The following TWF1 variants were observed in gnomAD, a reference collection of about 807,000 sequenced individuals.
TWF1 encodes the protein twinfilin actin binding protein 1.
A neutral mutation model predicts 47.9 loss-of-function variants in TWF1; 14 were observed. That is an observed-to-expected ratio of 0.29 (90% CI 0.19 to 0.46). The LOEUF is 0.46. TWF1 is among the 20% of genes least tolerant of loss of function. The probability of loss-of-function intolerance (pLI) is 1.00; values close to 1 mark genes in which losing one functional copy is unlikely to be tolerated. For missense variants in TWF1, 281 were observed against 409.3 expected, an observed-to-expected ratio of 0.69 and a Z score of 2.70; for synonymous variants, 96 against 139.2, an observed-to-expected ratio of 0.69 and a Z score of 2.18.
chr12:43,804,154 A>G (rs1347065330), intron 2 of TWF1: 1 of 304,218 alleles, frequency 3.3e-6, no homozygotes, highest in Non-Finnish European at 6.6e-6. Context: ...ACAAGTAACT[A>G]TTTTTTTTTT....
At chr12:43,798,621 TAA>T (rs35482343) in intron 5 of TWF1, 3,222 of 1,310,856 alleles carry the variant, frequency 2.5e-3, no homozygotes, top group South Asian at 6.0e-3. Flanking sequence ...ATCAAACTCG[TAA>T]AAAAAAAAAA....
chr12:43,794,428 A>G lies in TWF1; in HGVS notation c.*1157T>C, dbSNP rs1942514472. 2 of 151,396 alleles carry G rather than the reference A, an allele frequency of 1.3e-5. No individual in the cohort carries two copies. The highest frequency in any genetic ancestry group is 3.0e-5 in the Non-Finnish European group (2 of 67,746). The allele number at this position is 151,396 out of a possible 1,614,324, so 9.4% of individuals were successfully genotyped here. A position where few individuals can be genotyped will look rare whatever the true frequency, so the allele number is the denominator to read the frequency against. On this transcript the variant is annotated 3_prime_UTR_variant, in exon 9 of 9. Transcript: ENST00000395510. Reference sequence around the variant, plus strand: ...TCACACTATGAAATGTGCATTTCCGATAAGTGATTTATGCAGCATAAAGTT... The same window carrying G: ...TCACACTATGAAATGTGCATTTCCGGTAAGTGATTTATGCAGCATAAAGTT...
chr12:43,798,463 A>G lies in TWF1; in HGVS notation c.484-630T>C, dbSNP rs1011085818. 1.2e-5 allele frequency: 14 copies of G among 1,173,840 alleles called. No homozygotes were observed. The African/African-American group carries it at 2.2e-4, about 19-fold the overall frequency. 72.7% of individuals were successfully genotyped at this position (1,173,840 alleles called of 1,614,324 possible). On this transcript the variant is annotated intron_variant, in intron 5 of 8. Transcript: ENST00000395510. ...AGTCTCATTCGCAGTGTTGCAACAG[A>G]AAGTCCAATAGAAATTTTACTTTTA...
At chr12:43,799,731 A>G (rs1317805624) in intron 4 of TWF1, among the ~76,000 whole-genome samples, 1 of 152,094 alleles carries the variant, frequency 6.6e-6, no homozygotes, top group East Asian at 1.9e-4. Flanking sequence ...ATTACTAAAT[A>G]TTTTGTATGA....
Position 43,796,966 on chromosome 12 carries a change from G to T in TWF1, c.882+10C>A. 3 of 1,606,860 alleles carry T rather than the reference G, an allele frequency of 1.9e-6. No individual in the cohort carries two copies. In the East Asian group the frequency reaches 6.7e-5, roughly 36 times the overall value. On this transcript the variant is annotated intron_variant, in intron 8 of 8. Transcript: ENST00000395510. Reference sequence around the variant, plus strand: ...AGCAAAAACTGAAGATTTTAAAATAGGTGGGCTACCTTTCTAATTACATCC... The same window carrying T: ...AGCAAAAACTGAAGATTTTAAAATATGTGGGCTACCTTTCTAATTACATCC...
At chr12:43,806,003 C>T (rs749167603) in intron 1 of TWF1, 3 of 1,529,550 alleles carry the variant, frequency 2.0e-6, no homozygotes, top group African/African-American at 1.4e-5. Context: ...TCGGATCAAT[C>T]TGCAACGTGA....
rs532343791 is a variant in TWF1, at chr12:43,802,541, T to A, written c.104-77A>T. On this transcript the variant is annotated intron_variant, in intron 2 of 8. Transcript: ENST00000395510. ...GGTAGTGTGATGAAGACTAGAAAAA[T>A]AAATATATAGTCATTTCCCAGTTAC... 137 of 1,055,838 alleles carry A rather than the reference T, an allele frequency of 1.3e-4. 3 individuals are homozygous for A. The South Asian group carries it at 2.0e-3, about 16-fold the overall frequency. The allele number at this position is 1,055,838 out of a possible 1,614,324, so 65.4% of individuals were successfully genotyped here.
chr12:43,806,221 C>T lies in TWF1; in HGVS notation c.25G>A (p.Ala9Thr). ...TGCGAGTCGCGCCGGGCGCTGTTAC[C>T]TTGGATGCCGGTCTGGTGGGACATG... MSHQTGIQ[A>T]SEDVKEIFAR... Residue 9 changes from alanine (A) to threonine (T), a missense_variant and splice_region_variant, in exon 1 of 9, where the codon GCA becomes ACA. Transcript: ENST00000395510. 6.5e-7 allele frequency: 1 copy of T among 1,540,670 alleles called. No homozygotes were observed. Among genetic ancestry groups the T allele is most frequent in the Non-Finnish European group, 8.7e-7 (1 of 1,144,574 alleles).
At chr12:43,799,377 G>A (rs1227340338) in intron 5 of TWF1, 21 bp downstream of exon 5, 1 of 1,500,762 alleles carries the variant, frequency 6.7e-7, no homozygotes, top group African/African-American at 1.4e-5. Context: ...ATCTTGCAAA[G>A]ACTTTGTAGT....
chr12:43,796,653 A>T lies in TWF1; in HGVS notation c.882+323T>A, dbSNP rs1388723863. 1.3e-5 allele frequency among the ~76,000 whole-genome samples: 2 copies of T among 152,116 alleles called. 1 individual carries two copies. The highest frequency in any genetic ancestry group is 3.8e-4 in the East Asian group (2 of 5,202). ...TTTTGCACTGATGGAAATGTCCTAT[A>T]AATTCTGCACTAACCAATACGGTAG... On this transcript the variant is annotated intron_variant, in intron 8 of 8. Coordinates refer to ENST00000395510, the MANE Select transcript of TWF1 (RefSeq NM_002822.5).
At chr12:43,801,820 A>C (rs1942666495) in intron 3 of TWF1, among the ~76,000 whole-genome samples, 2 of 152,092 alleles carry the variant, frequency 1.3e-5, no homozygotes, top group Admixed American at 1.3e-4. Flanking sequence ...ACTTAAGGCC[A>C]CGAGTTTGAG....
intron 1 of TWF1, chr12:43,805,487 C>T (rs1467776748): frequency 2.2e-6 from 1 of 453,908 alleles, no homozygotes; most frequent in East Asian, 7.0e-5. Context: ...GCGAGTAACC[C>T]GGGGATATAT....
In TWF1 at chr12:43,795,656, C is replaced by A. The variant is rs143515930; in HGVS notation, c.982G>T (p.Gly328Cys). 11 of 1,613,276 alleles carry A rather than the reference C, an allele frequency of 6.8e-6. No individual in the cohort carries two copies. In the African/African-American group the frequency reaches 8.0e-5, roughly 12 times the overall value. ...AHKQSFAKPK[G>C]PAGKRGIRRL... Reference sequence around the variant, plus strand: ...CGAATTCCTCTTTTTCCTGCAGGACCTTTTGGTTTTGCAAAACTTTGCTTG... The same window carrying A: ...CGAATTCCTCTTTTTCCTGCAGGACATTTTGGTTTTGCAAAACTTTGCTTG... Residue 328 changes from glycine (G) to cysteine (C), a missense_variant, in exon 9 of 9, where the codon GGT becomes TGT. Physicochemically the swap from Gly to Cys is radical, Grantham distance 159. Transcript: ENST00000395510.
At position 43,799,846 on chromosome 12, in the gene TWF1, T is replaced by A. The variant is rs553436110; in HGVS notation, c.379-344A>T. On this transcript the variant is annotated intron_variant, in intron 4 of 8. Coordinates refer to ENST00000395510, the MANE Select transcript of TWF1 (RefSeq NM_002822.5). ...AAACTGCCCAATGATTATCCAATAATCAACATATTCAGATTCTGAATACTA... is the reference window on the plus strand; with the variant it reads ...AAACTGCCCAATGATTATCCAATAAACAACATATTCAGATTCTGAATACTA... Among the ~76,000 whole-genome samples, 13 of 152,218 alleles carry A rather than the reference T, an allele frequency of 8.5e-5. No individual in the cohort carries two copies. The East Asian group carries it at 2.5e-3, about 29-fold the overall frequency.
intron 1 of TWF1, chr12:43,805,708 G>A: frequency 2.1e-6 from 2 of 958,640 alleles, no homozygotes; most frequent in South Asian, 1.3e-5. Flanking sequence ...TTCCTATTTG[G>A]AGAGAAAATG....
At chr12:43,805,387 A>T (rs548844836) in intron 1 of TWF1, 19 of 357,842 alleles carry the variant, frequency 5.3e-5, no homozygotes, top group African/African-American at 3.8e-4. Context: ...AATCTTTACG[A>T]ATAAAACATA....
At chr12:43,805,415 G>A (rs1942741030) in intron 1 of TWF1, 2 of 382,544 alleles carry the variant, frequency 5.2e-6, no homozygotes, top group East Asian at 7.3e-5. Flanking sequence ...GTGTTCATCT[G>A]GGAGAAAGAC....
At chr12:43,798,093 T>G (rs906105332) in intron 5 of TWF1, among the ~76,000 whole-genome samples, 3 of 152,162 alleles carry the variant, frequency 2.0e-5, no homozygotes, top group Non-Finnish European at 4.4e-5. Context: ...TTTTTATGTT[T>G]GGTTTGGCAC....
At chr12:43,800,882 C>G (rs1383131887) in intron 3 of TWF1, among the ~76,000 whole-genome samples, 7 of 152,042 alleles carry the variant, frequency 4.6e-5, no homozygotes, top group African/African-American at 1.7e-4. Flanking sequence ...TCCCGAGTAG[C>G]TGGGATTATA....
Sources: allele counts gnomAD v4.1 joint callset (sites outside exome capture counted in the v4.1 genomes callset), GRCh38; gene constraint gnomAD v4.1.1; transcripts MANE v1.5; gene names NCBI Gene and HGNC (gene_info 2026-07-23, HGNC 2026-07-21).